HK1: variants seen among roughly 807,000 people sequenced by gnomAD.
The protein encoded by HK1 is hexokinase-1.
Under a neutral mutation model 91.6 loss-of-function variants are expected in HK1, and 28 were observed. That is an observed-to-expected ratio of 0.31 (90% CI 0.23 to 0.42). The LOEUF (loss-of-function observed/expected upper bound fraction) is 0.42, where lower values mean the gene tolerates loss of function less well. HK1 is among the 10% of genes least tolerant of loss of function. The probability of loss-of-function intolerance (pLI) is 1.00; values close to 1 mark genes in which losing one functional copy is unlikely to be tolerated. For synonymous variants in HK1, 430 were observed against 468.1 expected (o/e 0.92, Z 1.05); for missense variants, 770 against 1,219.8 (o/e 0.63, Z 5.49).
chr10:69,317,101 A>T (rs2132555712), upstream of HK1, among the ~76,000 whole-genome samples: 1 of 152,330 alleles, frequency 6.6e-6, no homozygotes, highest in South Asian at 2.1e-4. Flanking sequence ...ATAAATATAC[A>T]AATATCACAC....
intron 2 of HK1, among the ~76,000 whole-genome samples, chr10:69,358,756 G>A (rs551259408): frequency 6.6e-6 from 1 of 152,140 alleles, no homozygotes; most frequent in South Asian, 2.1e-4. Flanking sequence ...CCAGCTACTC[G>A]GGAAGCTGAG....
intron 1 of HK1, among the ~76,000 whole-genome samples, chr10:69,280,974 T>C (rs1468066328): frequency 6.6e-6 from 1 of 152,226 alleles, no homozygotes; most frequent in Non-Finnish European, 1.5e-5. Flanking sequence ...CTCTCCACTT[T>C]ATCAAACAAC....
rs780917548 is a variant in HK1, at chr10:69,401,054, C to T, written c.2673C>T (p.Leu891=). Residue 891 remains leucine, a synonymous_variant, in exon 18 of 18, where the codon CTC becomes CTT. Transcript: ENST00000359426. ...ELSPKCNVSF[L]LSEDGSGKGA... Reference sequence around the variant, plus strand: ...CACCAAAATGTAACGTGTCCTTCCTCCTGTCTGAGGATGGCAGCGGCAAGG... The same window carrying T: ...CACCAAAATGTAACGTGTCCTTCCTTCTGTCTGAGGATGGCAGCGGCAAGG... The T allele has an allele frequency of 4.3e-6, 7 of 1,614,106 alleles. No homozygotes were observed. The East Asian group carries it at 1.6e-4, about 36-fold the overall frequency.
At chr10:69,379,810 G>T in intron 8 of HK1, 52 bp from the exon 9 acceptor site, 2 of 1,303,466 alleles carry the variant, frequency 1.5e-6, no homozygotes, top group Non-Finnish European at 2.2e-6. Context: ...TCAGTGCTTT[G>T]CACTGCCTCA....
chr10:69,278,186 C>T (rs1012206718), intron 1 of HK1, among the ~76,000 whole-genome samples: 5 of 152,216 alleles, frequency 3.3e-5, no homozygotes, highest in African/African-American at 1.2e-4. Flanking sequence ...GCCAATGTTC[C>T]TATTCCAATC....
intron 1 of HK1, among the ~76,000 whole-genome samples, chr10:69,339,092 C>T (rs142199075): frequency 1.1e-4 from 16 of 152,278 alleles, no homozygotes; most frequent in Admixed American, 6.5e-4. Flanking sequence ...GAGGAAGATG[C>T]GTTTTGCTCA....
At chr10:69,274,452 G>T (rs575625412) in intron 1 of HK1, among the ~76,000 whole-genome samples, 1 of 152,150 alleles carries the variant, frequency 6.6e-6, no homozygotes, top group Non-Finnish European at 1.5e-5. Context: ...ACAAAAAGTA[G>T]CTGGGCATGG....
chr10:69,377,501 G>C (rs1839176641), intron 8 of HK1, among the ~76,000 whole-genome samples: 1 of 151,976 alleles, frequency 6.6e-6, no homozygotes, highest in South Asian at 2.1e-4. Context: ...CCAGTCTGGA[G>C]ACCTCCAGAC....
At chr10:69,334,108 T>C (rs1847862838) in intron 1 of HK1, among the ~76,000 whole-genome samples, 1 of 152,074 alleles carries the variant, frequency 6.6e-6, no homozygotes, top group Non-Finnish European at 1.5e-5. Flanking sequence ...CGAGACTCTG[T>C]CTCAAAAAAG....
At chr10:69,306,994 G>A (rs1377556403) in intron 5 of HK1, among the ~76,000 whole-genome samples, 1 of 152,136 alleles carries the variant, frequency 6.6e-6, no homozygotes, top group Admixed American at 6.5e-5. Context: ...ATATGTGTTG[G>A]GTGAATAAAT....
intron 1 of HK1, among the ~76,000 whole-genome samples, chr10:69,342,196 A>C (rs7920908): frequency 8.4e-4 from 128 of 151,666 alleles, no homozygotes; most frequent in Middle Eastern, 3.4e-3. Flanking sequence ...CAAACAAACA[A>C]AGGAAAAAAC....
At position 69,364,733 on chromosome 10, in the gene HK1, A is replaced by G. The variant is rs377337129; in HGVS notation, c.376-50A>G. On this transcript the variant is annotated intron_variant, in intron 3 of 17. Coordinates refer to ENST00000359426, the MANE Select transcript of HK1 (RefSeq NM_000188.3). ...GGGAATGGTTTATATTTTTCTATGA[A>G]ATGCTAAGCCTGCTTTGGGGCCCCC... The G allele has an allele frequency of 6.8e-6, 11 of 1,612,018 alleles. No individual in the cohort carries two copies. In the African/African-American group the frequency reaches 1.3e-4, roughly 20 times the overall value.
At chr10:69,353,081 G>T (rs963409046) in intron 2 of HK1, among the ~76,000 whole-genome samples, 1 of 152,194 alleles carries the variant, frequency 6.6e-6, no homozygotes, top group Non-Finnish European at 1.5e-5. Context: ...AATTTCTTGG[G>T]TGATAGGAGA....
intron 7 of HK1, among the ~76,000 whole-genome samples, chr10:69,371,910 ATC>A (rs1207537506): frequency 6.6e-5 from 10 of 152,092 alleles, no homozygotes; most frequent in African/African-American, 2.4e-4. Context: ...TTGGGGCAAA[ATC>A]TCTTTTCTTG....
intron 1 of HK1, 114 bp from the exon 2 acceptor site, chr10:69,343,713 G>T: frequency 1.2e-6 from 1 of 809,416 alleles, no homozygotes. Flanking sequence ...CATGCGATGT[G>T]CCAGCGTGCG....
At chr10:69,383,804 A>T (rs1470474005) in intron 10 of HK1, among the ~76,000 whole-genome samples, 1 of 152,170 alleles carries the variant, frequency 6.6e-6, no homozygotes, top group Non-Finnish European at 1.5e-5. Context: ...GCTGCGAGGG[A>T]GAGGGGAAGA....
chr10:69,303,856 T>C (rs899495017), intron 5 of HK1, among the ~76,000 whole-genome samples: 2 of 152,104 alleles, frequency 1.3e-5, no homozygotes, highest in African/African-American at 2.4e-5. Flanking sequence ...CATTTGGGGA[T>C]TGGAGTTTTA....
chr10:69,350,497 C>T (rs1210478032), intron 2 of HK1, among the ~76,000 whole-genome samples: 1 of 151,900 alleles, frequency 6.6e-6, no homozygotes, highest in African/African-American at 2.4e-5. Context: ...TCCGTCTCTA[C>T]TAAAAAATAC....
At chr10:69,292,733 A>C (rs1395962499) in intron 3 of HK1, among the ~76,000 whole-genome samples, 2 of 152,182 alleles carry the variant, frequency 1.3e-5, no homozygotes, top group East Asian at 1.9e-4. Context: ...TTTTTCCCCC[A>C]GTTTTCCCCC....
Sources: gnomAD v4.1 joint callset for allele counts (sites outside exome capture counted in the v4.1 genomes callset) on GRCh38, gnomAD v4.1.1 for gene constraint, MANE v1.5 for transcripts, NCBI Gene and HGNC (gene_info 2026-07-23, HGNC 2026-07-21) for gene names.